GALNT16: variants seen among roughly 807,000 people sequenced by gnomAD.
The protein encoded by GALNT16 is UDP-GalNAc:polypeptide N-acetylgalactosaminyltransferase-like protein 1.
Under a neutral mutation model 76.1 loss-of-function variants are expected in GALNT16, and 40 were observed. The observed-to-expected ratio is 0.53, with a 90% CI of 0.41 to 0.68. The LOEUF is 0.68. GALNT16 is among the 30% of genes least tolerant of loss of function. The pLI is 0.00. For synonymous variants in GALNT16, 276 were observed against 285.2 expected, an observed-to-expected ratio of 0.97 and a Z score of 0.32; for missense variants, 621 against 731.9, an observed-to-expected ratio of 0.85 and a Z score of 1.75.
downstream of GALNT16, chr14:69,358,316 T>C (rs1234965431): frequency 2.6e-5 from 4 of 152,360 alleles, no homozygotes; most frequent in Non-Finnish European, 4.4e-5. Flanking sequence ...GGCTTGCTCC[T>C]CTCCCCGTGG....
chr14:69,330,150 G>A (rs554940508), intron 6 of GALNT16, among the ~76,000 whole-genome samples: 7 of 152,196 alleles, frequency 4.6e-5, no homozygotes, highest in Non-Finnish European at 7.4e-5. Flanking sequence ...GCACTATTCA[G>A]AATAACCAAA....
intron 1 of GALNT16, among the ~76,000 whole-genome samples, chr14:69,276,915 C>T (rs1178943542): frequency 2.6e-5 from 4 of 152,170 alleles, no homozygotes; most frequent in Non-Finnish European, 4.4e-5. Context: ...AGGCAAAATG[C>T]CTGTTCCCCC....
At chr14:69,323,999 A>G (rs944157151) in intron 2 of GALNT16, among the ~76,000 whole-genome samples, 6 of 152,012 alleles carry the variant, frequency 3.9e-5, no homozygotes, top group Admixed American at 6.5e-5. Flanking sequence ...AATTGTTTTC[A>G]CTCCCTTTCT....
chr14:69,320,249 C>T lies in GALNT16; in HGVS notation c.178-462C>T, dbSNP rs58226971. Among the ~76,000 whole-genome samples, 1,117 of 152,332 alleles carry T rather than the reference C, an allele frequency of 7.3e-3. 19 individuals are homozygous for T. Among genetic ancestry groups the T allele is most frequent in the African/African-American group, 0.026 (1,080 of 41,574 alleles). ...GTGGCGCATGCCTGTAATCCCAGCACTTTGGGAGGCTGAGGTGGGTGGATC... is the reference window on the plus strand; with the variant it reads ...GTGGCGCATGCCTGTAATCCCAGCATTTTGGGAGGCTGAGGTGGGTGGATC... On this transcript the variant is annotated intron_variant, in intron 1 of 14. Coordinates refer to ENST00000448469, the MANE Select transcript of GALNT16 (RefSeq NM_001168368.2).
intron 1 of GALNT16, among the ~76,000 whole-genome samples, chr14:69,309,981 T>C (rs1456399968): frequency 2.6e-5 from 4 of 152,292 alleles, no homozygotes; most frequent in East Asian, 3.9e-4. Flanking sequence ...GCTTTATTGA[T>C]TTCCACATTG....
At chr14:69,360,073 C>T (rs2045715139), downstream of GALNT16, among the ~76,000 whole-genome samples, 1 of 147,346 alleles carries the variant, frequency 6.8e-6, no homozygotes. Flanking sequence ...AAACTCTTGG[C>T]CAGGCACAGC....
intron 1 of GALNT16, among the ~76,000 whole-genome samples, chr14:69,269,986 G>A (rs911543920): frequency 2.0e-5 from 3 of 151,968 alleles, no homozygotes; most frequent in African/African-American, 4.8e-5. Context: ...TGTGTGGGAT[G>A]GAGAATTCCT....
intron 11 of GALNT16, 111 bp from the exon 12 acceptor site, chr14:69,341,569 TG>T: frequency 1.4e-6 from 1 of 702,950 alleles, no homozygotes; most frequent in Non-Finnish European, 2.6e-6. Flanking sequence ...GGAAGTCTCC[TG>T]GTCCTTGCCT....
Position 69,324,769 on chromosome 14 carries a change from C to T in GALNT16, c.413C>T (p.Thr138Ile), listed in dbSNP as rs2045256973. The T allele has an allele frequency of 2.5e-6, 4 of 1,611,102 alleles. No individual in the cohort carries two copies. The highest frequency in any genetic ancestry group is 3.4e-6 in the Non-Finnish European group (4 of 1,178,042). Residue 138 changes from threonine (T) to isoleucine (I), a missense_variant, in exon 3 of 15, where the codon ACC becomes ATC. Coordinates refer to ENST00000448469, the MANE Select transcript of GALNT16 (RefSeq NM_001168368.2). ...ACCTTCCACAATGAGGCCCGTTCCA[C>T]CCTGCTGCGCACAGTGAAGAGGTAA... ...IITFHNEARS[T>I]LLRTVKSVLN...
chr14:69,361,747 C>T (rs2045725622), downstream of GALNT16, among the ~76,000 whole-genome samples: 1 of 152,084 alleles, frequency 6.6e-6, no homozygotes. Context: ...TGGCTCACAC[C>T]TGTAATCCCA....
intron 1 of GALNT16, among the ~76,000 whole-genome samples, chr14:69,299,528 A>G (rs2044818775): frequency 1.3e-5 from 2 of 151,860 alleles, no homozygotes; most frequent in South Asian, 4.2e-4. Flanking sequence ...CCTCATCCGT[A>G]AGGTGGGGTG....
the GALNT16 span, among the ~76,000 whole-genome samples, chr14:69,369,471 A>C: frequency 6.6e-6 from 1 of 152,234 alleles, no homozygotes; most frequent in Non-Finnish European, 1.5e-5. Flanking sequence ...ACACCATTCA[A>C]GACAGAGCTG....
At chr14:69,272,150 C>T (rs1466258588) in intron 1 of GALNT16, among the ~76,000 whole-genome samples, 1 of 152,034 alleles carries the variant, frequency 6.6e-6, no homozygotes, top group African/African-American at 2.4e-5. Flanking sequence ...CATCTGAGGT[C>T]AGGAGTTCAA....
At chr14:69,374,567 C>A in the GALNT16 span, among the ~76,000 whole-genome samples, 1 of 152,088 alleles carries the variant, frequency 6.6e-6, no homozygotes, top group African/African-American at 2.4e-5. Flanking sequence ...GTGAGTCCAC[C>A]ACAGACCAAC....
At chr14:69,284,161 C>T (rs2044579324) in intron 1 of GALNT16, among the ~76,000 whole-genome samples, 1 of 152,192 alleles carries the variant, frequency 6.6e-6, no homozygotes, top group Non-Finnish European at 1.5e-5. Flanking sequence ...TATCTTCCCC[C>T]AAACACCTGC....
At chr14:69,328,065 A>T (rs1175356689) in intron 5 of GALNT16, among the ~76,000 whole-genome samples, 1 of 152,178 alleles carries the variant, frequency 6.6e-6, no homozygotes, top group Non-Finnish European at 1.5e-5. Flanking sequence ...CATGCTACAC[A>T]TAGGGGTATG....
intron 1 of GALNT16, among the ~76,000 whole-genome samples, chr14:69,301,635 A>G (rs2044853662): frequency 6.6e-6 from 1 of 151,822 alleles, no homozygotes; most frequent in Non-Finnish European, 1.5e-5. Flanking sequence ...TACTGCACCC[A>G]GCCCAAAGTA....
At chr14:69,269,502 T>TTG (rs139070521) in intron 1 of GALNT16, among the ~76,000 whole-genome samples, 3 of 143,316 alleles carry the variant, frequency 2.1e-5, no homozygotes, top group Admixed American at 1.4e-4. Context: ...TGTGTGGCAT[T>TTG]TGTGTGTGTG....
At chr14:69,263,417 A>T (rs1259032262) in intron 1 of GALNT16, among the ~76,000 whole-genome samples, 6 of 152,204 alleles carry the variant, frequency 3.9e-5, no homozygotes, top group Non-Finnish European at 8.8e-5. Context: ...GTAACCGCTT[A>T]TTCAGAAACA....
Sources: gnomAD v4.1 joint callset for allele counts (sites outside exome capture counted in the v4.1 genomes callset) on GRCh38, gnomAD v4.1.1 for gene constraint, MANE v1.5 for transcripts, NCBI Gene and HGNC (gene_info 2026-07-23, HGNC 2026-07-21) for gene names.